The following CRACD variants were observed in gnomAD, a reference collection of about 807,000 sequenced individuals.
The protein encoded by CRACD is capping protein inhibiting regulator of actin dynamics, also known as capping protein-inhibiting regulator of actin dynamics.
Under a neutral mutation model 106.8 loss-of-function variants are expected in CRACD, and 56 were observed. That is an observed-to-expected ratio of 0.52 (90% CI 0.42 to 0.66). The LOEUF (loss-of-function observed/expected upper bound fraction) is 0.66. Among genes scored for constraint, CRACD ranks in the 30% least tolerant of loss-of-function variants. The pLI, the probability that CRACD is intolerant of heterozygous loss-of-function variation, is 0.00. For missense variants in CRACD, 1,730 were observed against 1,623.2 expected (o/e 1.07, Z -1.13); for synonymous variants, 754 against 670.8 (o/e 1.12, Z -1.92).
chr4:56,311,428 C>T (rs967560582), intron 6 of CRACD: 5 of 152,240 alleles, frequency 3.3e-5, no homozygotes, highest in African/African-American at 9.6e-5. Context: ...AAACAAAGCA[C>T]AGCACTTAAA....
intron 1 of CRACD, among the ~76,000 whole-genome samples, chr4:56,104,426 C>A (rs1366338148): frequency 6.6e-6 from 1 of 152,004 alleles, no homozygotes; most frequent in Non-Finnish European, 1.5e-5. Flanking sequence ...CAAACAAAAC[C>A]AAAAAGAGAC....
chr4:56,265,401 GGGGT>G (rs1261706191), intron 2 of CRACD, among the ~76,000 whole-genome samples: 3,501 of 116,134 alleles, frequency 0.03, 116 homozygotes, highest in African/African-American at 0.075. Context: ...GTATAGAGGA[GGGGT>G]GTGTGTGTGT....
intron 1 of CRACD, among the ~76,000 whole-genome samples, chr4:56,172,020 C>CTTTTTTTTTTTTTTTTTTTTT (rs35574683): frequency 2.8e-5 from 3 of 106,372 alleles, no homozygotes; most frequent in Non-Finnish European, 3.8e-5. Context: ...GAGGGTTTCT[C>CTTTTTTTTTTTTTTTTTTTTT]TTTTTTTTTT....
chr4:56,250,377 T>C (rs1413123989), intron 2 of CRACD, among the ~76,000 whole-genome samples: 3 of 152,236 alleles, frequency 2.0e-5, no homozygotes, highest in Non-Finnish European at 4.4e-5. Flanking sequence ...CTAGGTGCTT[T>C]ATATACCATA....
At chr4:56,274,031 C>A (rs1387015250) in intron 3 of CRACD, among the ~76,000 whole-genome samples, 1 of 152,174 alleles carries the variant, frequency 6.6e-6, no homozygotes, top group Non-Finnish European at 1.5e-5. Flanking sequence ...ATTTGTTAGT[C>A]CTGATACTGA....
rs1745401959 is a variant in CRACD at position 56,314,507 on chromosome 4, G to A, written c.1005G>A (p.Leu335=). The change falls in exon 8 of 11, where the codon CTG becomes CTA. Residue 335 remains leucine (L), a synonymous_variant. Coordinates refer to ENST00000682029, the MANE Select transcript of CRACD (RefSeq NM_001393381.1). This position sits in a 1 kb window ranked among gnomAD's most constrained non-coding sequence, Gnocchi z 4.4. ...CCCAAGCGGAGGAGAGGCGGCGGCT[G>A]GAGGAGGACGCCAGGCTGGAGGAGC... ...AQAQAEERRR[L]EEDARLEERR... is the part of the protein sequence containing the mutation. The A allele has an allele frequency of 6.6e-7, 1 of 1,515,824 alleles. No homozygotes were observed. Among genetic ancestry groups the A allele is most frequent in the South Asian group, 1.3e-5 (1 of 78,976 alleles). 93.9% of individuals were successfully genotyped at this position (1,515,824 alleles called of 1,614,324 possible).
At chr4:56,122,663 T>A (rs1323131191) in intron 1 of CRACD, among the ~76,000 whole-genome samples, 1 of 152,168 alleles carries the variant, frequency 6.6e-6, no homozygotes, top group Non-Finnish European at 1.5e-5. Context: ...CAGTCCTCAA[T>A]AACATCAGCA....
At chr4:56,277,381 A>T (rs576824292) in intron 3 of CRACD, among the ~76,000 whole-genome samples, 17 of 152,226 alleles carry the variant, frequency 1.1e-4, no homozygotes, top group African/African-American at 3.6e-4. Context: ...AAAATAAAGG[A>T]TAAAAACCAC....
chr4:56,113,751 A>T (rs1000832307), intron 1 of CRACD, among the ~76,000 whole-genome samples: 13 of 152,120 alleles, frequency 8.5e-5, no homozygotes, highest in Non-Finnish European at 1.6e-4. Context: ...TGGGTTCTAT[A>T]CTTAGTGGTG....
chr4:56,258,109 C>T (rs937182716), intron 2 of CRACD, among the ~76,000 whole-genome samples: 4 of 150,916 alleles, frequency 2.7e-5, no homozygotes, highest in Non-Finnish European at 5.9e-5. Context: ...AGAAAAGAAA[C>T]ATTTACCATT....
chr4:56,293,184 A>G (rs1042141713), intron 3 of CRACD, among the ~76,000 whole-genome samples: 1 of 152,214 alleles, frequency 6.6e-6, no homozygotes, highest in African/African-American at 2.4e-5. Flanking sequence ...AATGGTAGCT[A>G]TAATAATGAG....
intron 2 of CRACD, among the ~76,000 whole-genome samples, chr4:56,182,684 C>T (rs961284761): frequency 2.0e-4 from 31 of 152,148 alleles, no homozygotes; most frequent in Non-Finnish European, 5.9e-5. Context: ...GATGTTCTAC[C>T]TCAGCTTTCC....
At chr4:56,063,409 A>G (rs1012783042) in intron 1 of CRACD, among the ~76,000 whole-genome samples, 1 of 152,202 alleles carries the variant, frequency 6.6e-6, no homozygotes, top group Non-Finnish European at 1.5e-5. Flanking sequence ...TACCATCGTA[A>G]ACATTTTTAA....
At chr4:56,227,235 G>A (rs990879484) in intron 2 of CRACD, among the ~76,000 whole-genome samples, 4 of 152,106 alleles carry the variant, frequency 2.6e-5, no homozygotes, top group African/African-American at 9.7e-5. Context: ...TAAATACTGT[G>A]ACTATTATAT....
intron 2 of CRACD, among the ~76,000 whole-genome samples, chr4:56,250,854 G>A (rs1406455070): frequency 6.6e-6 from 1 of 152,166 alleles, no homozygotes; most frequent in Non-Finnish European, 1.5e-5. Flanking sequence ...GGAAAAAATA[G>A]TATTTGTTCC....
At chr4:56,276,951 GCTCA>G (rs1215850865) in intron 3 of CRACD, among the ~76,000 whole-genome samples, 1 of 152,220 alleles carries the variant, frequency 6.6e-6, no homozygotes, top group African/African-American at 2.4e-5. Flanking sequence ...GAGAATATGA[GCTCA>G]CTTGGACTGG....
chr4:56,173,496 C>T (rs186125945), intron 1 of CRACD, among the ~76,000 whole-genome samples: 1 of 152,296 alleles, frequency 6.6e-6, no homozygotes, highest in Admixed American at 6.5e-5. Context: ...CATGAAGCTA[C>T]TTCATTTTAG....
Position 56,315,345 on chromosome 4 carries a change from G to A in CRACD, c.1843G>A (p.Asp615Asn), listed in dbSNP as rs1745533377. Residue 615 changes from aspartate (D) to asparagine (N), a missense_variant, in exon 8 of 11, where the codon GAC becomes AAC. By Grantham distance (23) the Asp-to-Asn change is conservative. Around this residue, in one of 5 missense-constraint regions of CRACD, gnomAD observed 1,620 missense variants for 1,481.6 expected, o/e 1.09. Coordinates refer to ENST00000682029, the MANE Select transcript of CRACD (RefSeq NM_001393381.1). This position sits in a 1 kb window ranked among gnomAD's most constrained non-coding sequence, Gnocchi z 4.1. ...GGCAGTCAACCTGAGCCAGATCAAG[G>A]ACACCGCGTGCAAGTCCCTCCTGGG... ...GPAVNLSQIK[D>N]TACKSLLGLE... 6 of 1,613,678 alleles carry A rather than the reference G, an allele frequency of 3.7e-6. No homozygotes were observed. Among genetic ancestry groups the A allele is most frequent in the Non-Finnish European group, 5.1e-6 (6 of 1,179,960 alleles).
intron 4 of CRACD, among the ~76,000 whole-genome samples, chr4:56,304,856 T>C (rs1042300024): frequency 6.6e-6 from 1 of 152,200 alleles, no homozygotes; most frequent in Non-Finnish European, 1.5e-5. Context: ...GTGTGTGTGA[T>C]GATGGCAAAA....
Sources: gnomAD v4.1 joint callset for allele counts (sites outside exome capture counted in the v4.1 genomes callset) on GRCh38, gnomAD v4.1.1 for gene constraint, gnomAD v4.1.1 regional missense constraint, Gnocchi (gnomAD v3.1) non-coding constraint, MANE v1.5 for transcripts, NCBI Gene and HGNC (gene_info 2026-07-23, HGNC 2026-07-21) for gene names.